The following ZNF804A variants were observed in gnomAD, a reference collection of about 807,000 sequenced individuals.
ZNF804A encodes the protein zinc finger protein 804A.
A neutral mutation model predicts 16.5 loss-of-function variants in ZNF804A; 2 were observed. That is an observed-to-expected ratio of 0.12 (90% CI 0.05 to 0.38). The LOEUF (loss-of-function observed/expected upper bound fraction) is 0.38. ZNF804A is among the 10% of genes least tolerant of loss of function. The pLI, the probability that ZNF804A is intolerant of heterozygous loss-of-function variation, is 0.99. For missense variants in ZNF804A, 1,473 were observed against 1,390.7 expected (o/e 1.06, Z -0.94); for synonymous variants, 534 against 489.6 (o/e 1.09, Z -1.20).
At chr2:184,714,486 TGCA>T (rs1242657630) in intron 1 of ZNF804A, among the ~76,000 whole-genome samples, 1 of 152,112 alleles carries the variant, frequency 6.6e-6, no homozygotes, top group African/African-American at 2.4e-5. Context: ...AAGCTGGCAT[TGCA>T]TATTTTCAAG....
chr2:184,908,587 A>G (rs1002032790), intron 2 of ZNF804A, among the ~76,000 whole-genome samples: 1 of 152,302 alleles, frequency 6.6e-6, no homozygotes, highest in African/African-American at 2.4e-5. Flanking sequence ...GAATTATAAG[A>G]TAGCTAATTA....
chr2:184,939,139 C>A lies in ZNF804A; in HGVS notation c.*113C>A, dbSNP rs757087016. 2 of 1,332,464 alleles carry A rather than the reference C, an allele frequency of 1.5e-6. No homozygotes were observed. The highest frequency in any genetic ancestry group is 2.0e-6 in the Non-Finnish European group (2 of 976,120). The allele number at this position is 1,332,464 out of a possible 1,614,324, so 82.5% of individuals were successfully genotyped here. On this transcript the variant is annotated 3_prime_UTR_variant, in exon 4 of 4. Coordinates refer to ENST00000302277, the MANE Select transcript of ZNF804A (RefSeq NM_194250.2). ...ACTGGTGGAAATAAACTGGCCGATA[C>A]ATGGCGTCATTGGTTTGAAATCATT...
intron 1 of ZNF804A, among the ~76,000 whole-genome samples, chr2:184,841,480 A>G (rs1240150291): frequency 1.3e-5 from 2 of 152,142 alleles, no homozygotes; most frequent in Non-Finnish European, 2.9e-5. Context: ...ATGACACATT[A>G]TATTCATGAA....
chr2:184,693,928 T>C (rs1034146713), intron 1 of ZNF804A, among the ~76,000 whole-genome samples: 1 of 143,472 alleles, frequency 7.0e-6, no homozygotes, highest in East Asian at 2.0e-4. Context: ...ACTAACTTAG[T>C]CTTTTTTTTT....
intron 1 of ZNF804A, among the ~76,000 whole-genome samples, chr2:184,817,021 T>C (rs1212639178): frequency 6.6e-6 from 1 of 151,924 alleles, no homozygotes. Context: ...ATATTTGTAG[T>C]TAAAAGAGGG....
chr2:184,775,505 T>C (rs1694272575), intron 1 of ZNF804A, among the ~76,000 whole-genome samples: 1 of 151,754 alleles, frequency 6.6e-6, no homozygotes, highest in Non-Finnish European at 1.5e-5. Flanking sequence ...TCTACACTTC[T>C]ACTTTAGAGA....
At chr2:184,639,523 T>C (rs943574163) in intron 1 of ZNF804A, among the ~76,000 whole-genome samples, 5 of 152,140 alleles carry the variant, frequency 3.3e-5, no homozygotes, top group Non-Finnish European at 5.9e-5. Flanking sequence ...TTCTTCAAGA[T>C]TGAGAATATG....
At chr2:184,906,595 C>T (rs1363302653) in intron 2 of ZNF804A, among the ~76,000 whole-genome samples, 1 of 152,100 alleles carries the variant, frequency 6.6e-6, no homozygotes, top group South Asian at 2.1e-4. Flanking sequence ...GCCACCATGC[C>T]TGGAACATTT....
At chr2:184,725,944 G>T (rs1016377026) in intron 1 of ZNF804A, among the ~76,000 whole-genome samples, 4 of 151,584 alleles carry the variant, frequency 2.6e-5, no homozygotes, top group African/African-American at 9.7e-5. Context: ...ATACATTTAA[G>T]GTGTTTGCAT....
At chr2:184,929,857 A>C (rs192398941) in intron 2 of ZNF804A, among the ~76,000 whole-genome samples, 274 of 152,268 alleles carry the variant, frequency 1.8e-3, no homozygotes, top group Middle Eastern at 6.8e-3. Context: ...ATTCCTCAAA[A>C]CCCAGCACAG....
In ZNF804A at chr2:184,676,678, AATCTAT is replaced by A. The variant is rs375728665; in HGVS notation, c.111+77609_111+77614del. Among the ~76,000 whole-genome samples the A allele has an allele frequency of 2.0e-3, 308 of 151,844 alleles. 1 individual carries two copies. Among genetic ancestry groups the A allele is most frequent in the African/African-American group, 7.1e-3 (296 of 41,520 alleles). ...CTGTTTGTAGCACTGTGTATTCTAT[AATCTAT>A]TAATAAAAATGCCAGTTATATTTTA... On this transcript the variant is annotated intron_variant, in intron 1 of 3. Coordinates refer to ENST00000302277, the MANE Select transcript of ZNF804A (RefSeq NM_194250.2).
intron 1 of ZNF804A, among the ~76,000 whole-genome samples, chr2:184,668,220 G>A (rs1204656420): frequency 6.6e-6 from 1 of 151,666 alleles, no homozygotes; most frequent in Non-Finnish European, 1.5e-5. Context: ...TGATCTATGT[G>A]TTCAATGTGG....
intron 1 of ZNF804A, among the ~76,000 whole-genome samples, chr2:184,637,384 A>G (rs1046178327): frequency 1.3e-5 from 2 of 152,182 alleles, no homozygotes; most frequent in African/African-American, 4.8e-5. Flanking sequence ...GGAGAAATAG[A>G]CTTAGGAGAA....
At chr2:184,852,069 A>C (rs1300793515) in intron 1 of ZNF804A, among the ~76,000 whole-genome samples, 1 of 151,668 alleles carries the variant, frequency 6.6e-6, no homozygotes, top group Non-Finnish European at 1.5e-5. Context: ...TGAATTTCTT[A>C]TCAATTTTGG....
intron 2 of ZNF804A, among the ~76,000 whole-genome samples, chr2:184,902,795 G>A (rs984119254): frequency 6.6e-6 from 1 of 151,982 alleles, no homozygotes; most frequent in Non-Finnish European, 1.5e-5. Context: ...TAAGCTTAAG[G>A]CCAAATGTTA....
At chr2:184,920,143 C>CTGTAG (rs1458144560) in intron 2 of ZNF804A, among the ~76,000 whole-genome samples, 1 of 151,938 alleles carries the variant, frequency 6.6e-6, no homozygotes, top group Non-Finnish European at 1.5e-5. Context: ...AACAAAAAAC[C>CTGTAG]TGTAGTGCTG....
chr2:184,689,189 T>C (rs929198604), intron 1 of ZNF804A, among the ~76,000 whole-genome samples: 1 of 152,116 alleles, frequency 6.6e-6, no homozygotes, highest in Non-Finnish European at 1.5e-5. Flanking sequence ...GCATCTCTCC[T>C]TCGTCTCTGC....
chr2:184,781,215 A>G (rs946401214), intron 1 of ZNF804A, among the ~76,000 whole-genome samples: 1 of 151,836 alleles, frequency 6.6e-6, no homozygotes, highest in African/African-American at 2.4e-5. Flanking sequence ...ATTGTGCACA[A>G]ATTTATCTTA....
rs573606931 is a variant in ZNF804A at position 184,630,614 on chromosome 2, A to T, written c.111+31544A>T. On this transcript the variant is annotated intron_variant, in intron 1 of 3. Coordinates refer to ENST00000302277, the MANE Select transcript of ZNF804A (RefSeq NM_194250.2). ...ATATTTGAAATAAAATTCTAAGGGTAAAAAATTCAAGGTTTAATCTACTCA... is the reference window on the plus strand; with the variant it reads ...ATATTTGAAATAAAATTCTAAGGGTTAAAAATTCAAGGTTTAATCTACTCA... 2.0e-5 allele frequency among the ~76,000 whole-genome samples: 3 copies of T among 152,262 alleles called. No individual in the cohort carries two copies. In the South Asian group the frequency reaches 6.2e-4, roughly 32 times the overall value.
Sources: allele counts gnomAD v4.1 joint callset (sites outside exome capture counted in the v4.1 genomes callset), GRCh38; gene constraint gnomAD v4.1.1; transcripts MANE v1.5; gene names NCBI Gene and HGNC (gene_info 2026-07-23, HGNC 2026-07-21).